Variants in CPS1 observed in about 807,000 individuals in gnomAD.
CPS1 encodes carbamoyl-phosphate synthase [ammonia], mitochondrial.
CPS1 carries 109 observed loss-of-function variants against 174.6 expected under a neutral mutation model. The ratio of observed to expected loss-of-function variants is 0.62; its 90% CI spans 0.53 to 0.73. The LOEUF (loss-of-function observed/expected upper bound fraction) is 0.73. CPS1 is among the 30% of genes least tolerant of loss of function. The pLI is 0.00. For missense variants in CPS1, 1,689 were observed against 1,821.9 expected (o/e 0.93, Z 1.33); for synonymous variants, 637 against 632.0 (o/e 1.01, Z -0.12).
intron 1 of CPS1, among the ~76,000 whole-genome samples, chr2:210,515,101 T>G (rs566772634): frequency 6.6e-6 from 1 of 151,902 alleles, no homozygotes; most frequent in Non-Finnish European, 1.5e-5. Context: ...GATTTGCTAG[T>G]ATCTTGTTGA....
upstream of CPS1, among the ~76,000 whole-genome samples, chr2:210,552,283 G>T (rs1383982256): frequency 2.6e-5 from 4 of 151,518 alleles, no homozygotes; most frequent in Admixed American, 2.6e-4. Context: ...ATTATTGATT[G>T]CCAGGTTTTT....
chr2:210,632,106 A>T (rs930019225), intron 21 of CPS1, among the ~76,000 whole-genome samples: 1 of 152,132 alleles, frequency 6.6e-6, no homozygotes, highest in African/African-American at 2.4e-5. Context: ...AGTTTGTTTC[A>T]AATTAAGGTT....
chr2:210,611,462 C>G (rs1386835402), intron 19 of CPS1, among the ~76,000 whole-genome samples: 1 of 151,910 alleles, frequency 6.6e-6, no homozygotes, highest in African/African-American at 2.4e-5. Flanking sequence ...TTCTGACATG[C>G]AACTTGTCCA....
chr2:210,573,274 A>G, intron 1 of CPS1, 24 bp from the exon 2 acceptor site: 2 of 1,578,946 alleles, frequency 1.3e-6, no homozygotes, highest in East Asian at 4.5e-5. Context: ...TATTCTGCTA[A>G]GATTCATGCA....
Position 210,600,743 on chromosome 2 carries a change from G to T in CPS1, c.1707+31G>T. On this transcript the variant is annotated intron_variant, in intron 15 of 37. Coordinates refer to ENST00000233072, the MANE Select transcript of CPS1 (RefSeq NM_001875.5). ...GATTCTTTGCTTTGGAAAAACAAGG[G>T]CATTATTTGTCTTGTGTTGTAGGGA... 3 of 1,608,984 alleles carry T rather than the reference G, an allele frequency of 1.9e-6. 1 individual carries two copies.
chr2:210,627,503 C>T (rs1038310922), intron 21 of CPS1, among the ~76,000 whole-genome samples: 11 of 152,060 alleles, frequency 7.2e-5, no homozygotes, highest in African/African-American at 2.7e-4. Context: ...GTTGCTGACC[C>T]CAGAATTTCT....
chr2:210,579,003 A>G (rs922146616), intron 4 of CPS1, among the ~76,000 whole-genome samples: 1 of 152,198 alleles, frequency 6.6e-6, no homozygotes, highest in African/African-American at 2.4e-5. Flanking sequence ...AAAGAATCCA[A>G]GATAATAACC....
At chr2:210,653,980 T>C (rs1372133902) in intron 28 of CPS1, 45 bp from the exon 29 acceptor site, 1 of 1,450,084 alleles carries the variant, frequency 6.9e-7, no homozygotes, top group East Asian at 2.3e-5. Context: ...ACTATATACA[T>C]AGCGTTAGCT....
rs749366764 is a variant in CPS1, at chr2:210,590,883, C to T, written c.924C>T (p.Thr308=). ...LITGLAAGAK[T]YKMSMANRGQ... ...CAGGATTGGCTGCTGGTGCCAAAAC[C>T]TACAAGATGTCCATGGCCAACAGGT... The change falls in exon 9 of 38, where the codon ACC becomes ACT. Residue 308 remains threonine, a synonymous_variant. Transcript: ENST00000233072. The T allele has an allele frequency of 6.2e-7, 1 of 1,611,260 alleles. No individual in the cohort carries two copies. Among genetic ancestry groups the T allele is most frequent in the South Asian group, 1.1e-5 (1 of 91,022 alleles).
rs748586024 is a variant in CPS1, at chr2:210,675,771, A to G, written c.4205A>G (p.Asn1402Ser). 1 of 1,611,260 alleles carries G rather than the reference A, an allele frequency of 6.2e-7. No individual in the cohort carries two copies. The highest frequency in any genetic ancestry group is 8.5e-7 in the Non-Finnish European group (1 of 1,177,376). ...EATSDWLNAN[N>S]VPATPVAWPS... ...ACATCAGACTGGCTCAACGCCAACAATGTCCCTGCCACCCCAGTGGCATGG... is the reference window on the plus strand; with the variant it reads ...ACATCAGACTGGCTCAACGCCAACAGTGTCCCTGCCACCCCAGTGGCATGG... Residue 1402 changes from asparagine to serine, a missense_variant, in exon 36 of 38, where the codon AAT becomes AGT. Transcript: ENST00000233072.
At chr2:210,578,832 C>T (rs1234788323) in intron 4 of CPS1, among the ~76,000 whole-genome samples, 1 of 152,144 alleles carries the variant, frequency 6.6e-6, no homozygotes, top group Non-Finnish European at 1.5e-5. Flanking sequence ...CCCCCAACAA[C>T]CCAAGCTTTC....
intron 19 of CPS1, 100 bp from the exon 20 acceptor site, chr2:210,612,017 C>G: frequency 7.5e-6 from 7 of 927,682 alleles, no homozygotes; most frequent in East Asian, 2.9e-5. Flanking sequence ...ATTTTTTGTT[C>G]TTATTTGTTT....
chr2:210,572,674 G>A (rs1574539385), intron 1 of CPS1, among the ~76,000 whole-genome samples: 1 of 151,974 alleles, frequency 6.6e-6, no homozygotes, highest in African/African-American at 2.4e-5. Flanking sequence ...TAATAAAAAA[G>A]CAAAATACAA....
Position 210,588,165 on chromosome 2 carries a change from T to C in CPS1, c.711+18T>C. 6.2e-7 allele frequency: 1 copy of C among 1,604,266 alleles called. No homozygotes were observed. The highest frequency in any genetic ancestry group is 8.5e-7 in the Non-Finnish European group (1 of 1,171,494). ...TAGTAAAGGTAAGTAATTTGTTCATTTCAAAGGTGAGGGTTTGTCATATTG... is the reference window on the plus strand; with the variant it reads ...TAGTAAAGGTAAGTAATTTGTTCATCTCAAAGGTGAGGGTTTGTCATATTG... On this transcript the variant is annotated intron_variant, in intron 7 of 37. Transcript: ENST00000233072.
At chr2:210,480,947 C>A (rs1192894676) in intron 1 of CPS1, among the ~76,000 whole-genome samples, 1 of 152,184 alleles carries the variant, frequency 6.6e-6, no homozygotes, top group African/African-American at 2.4e-5. Flanking sequence ...GAAACAAGAA[C>A]ATAAACAGAT....
At chr2:210,506,384 A>G (rs1440063131) in intron 1 of CPS1, among the ~76,000 whole-genome samples, 2 of 152,302 alleles carry the variant, frequency 1.3e-5, no homozygotes, top group East Asian at 1.9e-4. Flanking sequence ...CCCCATCTGT[A>G]TGTCACCATC....
chr2:210,534,024 T>C (rs893194986), intron 1 of CPS1, among the ~76,000 whole-genome samples: 3 of 152,176 alleles, frequency 2.0e-5, no homozygotes, highest in African/African-American at 7.2e-5. Flanking sequence ...CTGCCCTTAG[T>C]TGGTTGCTCC....
At chr2:210,496,075 C>T (rs903199869) in intron 1 of CPS1, among the ~76,000 whole-genome samples, 1 of 152,064 alleles carries the variant, frequency 6.6e-6, no homozygotes, top group African/African-American at 2.4e-5. Context: ...TATTCAGATA[C>T]TATTTTTGCC....
intron 29 of CPS1, among the ~76,000 whole-genome samples, chr2:210,654,642 T>G (rs558395640): frequency 6.6e-6 from 1 of 152,268 alleles, no homozygotes; most frequent in African/African-American, 2.4e-5. Flanking sequence ...GAAATGAAAA[T>G]GTGAAGAATA....
Sources: allele counts gnomAD v4.1 joint callset (sites outside exome capture counted in the v4.1 genomes callset), GRCh38; gene constraint gnomAD v4.1.1; transcripts MANE v1.5; gene names NCBI Gene and HGNC (gene_info 2026-07-23, HGNC 2026-07-21).